Variants in MTMR12 observed in about 807,000 individuals in gnomAD.
MTMR12 encodes myotubularin-related protein 12.
Under a neutral mutation model 96.7 loss-of-function variants are expected in MTMR12, and 33 were observed. That is an observed-to-expected ratio of 0.34 (90% CI 0.26 to 0.46). The LOEUF is 0.46. Among genes scored for constraint, MTMR12 ranks in the 20% least tolerant of loss-of-function variants. The pLI, the probability that MTMR12 is intolerant of heterozygous loss-of-function variation, is 1.00. For missense variants in MTMR12, 721 were observed against 896.1 expected, an observed-to-expected ratio of 0.80 and a Z score of 2.49; for synonymous variants, 298 against 327.2, an observed-to-expected ratio of 0.91 and a Z score of 0.96.
intron 5 of MTMR12, 107 bp from the exon 6 acceptor site, chr5:32,268,901 A>G: frequency 1.3e-6 from 1 of 771,380 alleles, no homozygotes; most frequent in East Asian, 2.6e-5. Context: ...AGGGGTTCCA[A>G]TGGACAACAT....
intron 1 of MTMR12, among the ~76,000 whole-genome samples, chr5:32,299,401 C>A (rs1751046903): frequency 2.0e-5 from 3 of 152,150 alleles, no homozygotes; most frequent in Admixed American, 2.0e-4. Context: ...GGGATATGTA[C>A]AAGTGCCAGA....
At chr5:32,311,622 C>A (rs143918118) in intron 1 of MTMR12, among the ~76,000 whole-genome samples, 9 of 152,330 alleles carry the variant, frequency 5.9e-5, no homozygotes, top group African/African-American at 1.9e-4. Flanking sequence ...AACAAGAAGG[C>A]TTCTCATTAG....
chr5:32,252,161 A>G (rs1748955926), intron 8 of MTMR12, among the ~76,000 whole-genome samples: 1 of 152,218 alleles, frequency 6.6e-6, no homozygotes, highest in Non-Finnish European at 1.5e-5. Flanking sequence ...CCTTTAGAAT[A>G]GCGGCAAGGA....
intron 7 of MTMR12, among the ~76,000 whole-genome samples, chr5:32,258,919 A>AAG (rs1749246196): frequency 6.6e-6 from 1 of 151,966 alleles, no homozygotes; most frequent in African/African-American, 2.4e-5. Context: ...AAAAAAAAAA[A>AAG]AAAAAGTCAG....
In MTMR12 at chr5:32,233,085, T is replaced by G; in HGVS notation, c.1674+688A>C. 1 of 909,352 alleles carries G rather than the reference T, an allele frequency of 1.1e-6. No homozygotes were observed. Among genetic ancestry groups the G allele is most frequent in the Non-Finnish European group, 1.3e-6 (1 of 760,578 alleles). 56.3% of individuals were successfully genotyped at this position (909,352 alleles called of 1,614,324 possible). ...TTTGGGATTATCAACTAAAATGACT[T>G]TCTGACATTTGTGGCTCATAGCATA... is the stretch of plus-strand genomic sequence containing the variant. On this transcript the variant is annotated intron_variant, in intron 15 of 15. Transcript: ENST00000382142. The surrounding 1 kb of genome is among the most constrained non-coding windows in gnomAD (Gnocchi z 5.0).
intron 6 of MTMR12, among the ~76,000 whole-genome samples, chr5:32,263,904 G>T (rs957913875): frequency 2.0e-5 from 3 of 152,190 alleles, no homozygotes; most frequent in African/African-American, 7.2e-5. Flanking sequence ...AATATTTTTA[G>T]CCCTGCCAAT....
intron 1 of MTMR12, among the ~76,000 whole-genome samples, chr5:32,291,026 A>G (rs1750720787): frequency 6.6e-6 from 1 of 152,200 alleles, no homozygotes; most frequent in Non-Finnish European, 1.5e-5. Context: ...TGGTATACAC[A>G]TGACTGGGCT....
intron 1 of MTMR12, among the ~76,000 whole-genome samples, chr5:32,291,011 G>A (rs1044715128): frequency 6.6e-6 from 1 of 152,132 alleles, no homozygotes; most frequent in African/African-American, 2.4e-5. Flanking sequence ...ATCATCAAAT[G>A]GAAGTGGTAT....
At chr5:32,239,243 C>G (rs983926590) in intron 12 of MTMR12, 70 bp from the exon 13 acceptor site, 20 of 1,414,810 alleles carry the variant, frequency 1.4e-5, no homozygotes, top group Middle Eastern at 2.4e-4. Flanking sequence ...TCAGAATGCT[C>G]TCACTTGCAC....
At chr5:32,248,429 T>G (rs1748781827) in intron 9 of MTMR12, among the ~76,000 whole-genome samples, 1 of 120,408 alleles carries the variant, frequency 8.3e-6, no homozygotes, top group South Asian at 2.5e-4. Context: ...CTACTTTGGG[T>G]TTTTTTTGCT....
chr5:32,312,403 T>C lies in MTMR12; in HGVS notation c.81+355A>G, dbSNP rs961167402. Among the ~76,000 whole-genome samples, 3 of 152,176 alleles carry C rather than the reference T, an allele frequency of 2.0e-5. No homozygotes were observed. The highest frequency in any genetic ancestry group is 1.9e-4 in the East Asian group (1 of 5,160). ...CCACGCGGGCTCCGAGCAGGCCCCG[T>C]TGGGGGCTCCGACCCACGGCCCTAC... On this transcript the variant is annotated intron_variant, in intron 1 of 15. Coordinates refer to ENST00000382142, the MANE Select transcript of MTMR12 (RefSeq NM_001040446.3). The surrounding 1 kb of genome is among the most constrained non-coding windows in gnomAD (Gnocchi z 5.0).
chr5:32,279,800 G>A (rs1026990071), intron 1 of MTMR12, among the ~76,000 whole-genome samples: 9 of 152,166 alleles, frequency 5.9e-5, no homozygotes, highest in African/African-American at 1.9e-4. Flanking sequence ...CATAGGGAGC[G>A]TGCAACCTGG....
intron 3 of MTMR12, 117 bp downstream of exon 3, chr5:32,273,863 G>C: frequency 7.0e-7 from 1 of 1,420,154 alleles, no homozygotes; most frequent in Non-Finnish European, 9.6e-7. Flanking sequence ...CAGGATTTCT[G>C]TCCTTTGTGT....
At chr5:32,297,221 T>TCAC (rs1158434425) in intron 1 of MTMR12, among the ~76,000 whole-genome samples, 1 of 152,092 alleles carries the variant, frequency 6.6e-6, no homozygotes, top group Admixed American at 6.6e-5. Flanking sequence ...TGTACAATCA[T>TCAC]CACCACAATC....
At chr5:32,299,551 T>C (rs1354425418) in intron 1 of MTMR12, among the ~76,000 whole-genome samples, 1 of 152,282 alleles carries the variant, frequency 6.6e-6, no homozygotes, top group Non-Finnish European at 1.5e-5. Flanking sequence ...AACTGCTCTA[T>C]AAACATTAAG....
In MTMR12 at chr5:32,246,171, T is replaced by TTGTTTTTTTTTTG. The variant is rs1554056255; in HGVS notation, c.1021+1830_1021+1831insCAAAAAAAAAACA. On this transcript the variant is annotated intron_variant, in intron 10 of 15. Transcript: ENST00000382142. ...GTTTCGGTGCCTATTGAGTAGACAGTTTTTTTTTTTTTTGAGATGGAGTCT... is the reference window on the plus strand; with the variant it reads ...GTTTCGGTGCCTATTGAGTAGACAGTTGTTTTTTTTTTGTTTTTTTTTTTTTGAGATGGAGTCT... Among the ~76,000 whole-genome samples, 1,149 of 123,474 alleles carry TTGTTTTTTTTTTG rather than the reference T, an allele frequency of 9.3e-3. 19 individuals carry two copies. The highest frequency in any genetic ancestry group is 0.012 in the Non-Finnish European group (730 of 61,158). 81.0% of individuals were successfully genotyped at this position (123,474 alleles called of 152,430 possible). A position where few individuals can be genotyped will look rare whatever the true frequency, so the allele number is the denominator to read the frequency against.
rs765766060 is a variant in MTMR12 at position 32,230,365 on chromosome 5, A to C, written c.1675-18T>G. 1 of 1,577,144 alleles carries C rather than the reference A, an allele frequency of 6.3e-7. No homozygotes were observed. Among genetic ancestry groups the C allele is most frequent in the Admixed American group, 1.8e-5 (1 of 54,686 alleles). ...CGTTGATGCTTTGAGAGAAAACACA[A>C]ATAAAAATCACTGGTTAACATAACA... On this transcript the variant is annotated intron_variant, in intron 15 of 15. Coordinates refer to ENST00000382142, the MANE Select transcript of MTMR12 (RefSeq NM_001040446.3).
intron 13 of MTMR12, among the ~76,000 whole-genome samples, chr5:32,235,742 T>C (rs946486982): frequency 4.3e-4 from 66 of 152,210 alleles, no homozygotes; most frequent in Non-Finnish European, 7.5e-4. Flanking sequence ...TCAAAATGCA[T>C]CTTTACAAAT....
chr5:32,280,101 CTT>C lies in MTMR12; in HGVS notation c.82-3361_82-3360del, dbSNP rs532230410. Among the ~76,000 whole-genome samples, 8 of 152,300 alleles carry C rather than the reference CTT, an allele frequency of 5.3e-5. No homozygotes were observed. In the South Asian group the frequency reaches 1.7e-3, roughly 32 times the overall value. ...TCTTGAAAAGTCAATTCTTTGGACT[CTT>C]ACCAAGTTCACATTCAGAGTGCACA... On this transcript the variant is annotated intron_variant, in intron 1 of 15. Transcript: ENST00000382142.
Sources: allele counts gnomAD v4.1 joint callset (sites outside exome capture counted in the v4.1 genomes callset), GRCh38; gene constraint gnomAD v4.1.1; non-coding constraint Gnocchi (gnomAD v3.1); transcripts MANE v1.5; gene names NCBI Gene and HGNC (gene_info 2026-07-23, HGNC 2026-07-21).